The following TRAPPC9 variants were observed in gnomAD, a reference collection of about 807,000 sequenced individuals.
TRAPPC9 encodes IKK2 binding protein.
A neutral mutation model predicts 124.0 loss-of-function variants in TRAPPC9; 83 were observed. That is an observed-to-expected ratio of 0.67 (90% CI 0.56 to 0.80). The LOEUF (loss-of-function observed/expected upper bound fraction) is 0.80. Among genes scored for constraint, TRAPPC9 ranks in the 30% least tolerant of loss-of-function variants. The probability of loss-of-function intolerance (pLI) is 0.00; values close to 1 mark genes in which losing one functional copy is unlikely to be tolerated. For missense variants in TRAPPC9, 1,302 were observed against 1,508.3 expected (o/e 0.86, Z 2.27); for synonymous variants, 638 against 617.5 (o/e 1.03, Z -0.49).
intron 15 of TRAPPC9, among the ~76,000 whole-genome samples, chr8:140,256,111 A>G (rs2064249343): frequency 6.6e-6 from 1 of 152,258 alleles, no homozygotes; most frequent in Non-Finnish European, 1.5e-5. Context: ...CAAAGGGTAC[A>G]AAACACTGGT....
At chr8:139,882,333 C>T (rs371578772) in intron 21 of TRAPPC9, among the ~76,000 whole-genome samples, 8 of 152,214 alleles carry the variant, frequency 5.3e-5, no homozygotes, top group South Asian at 2.1e-4. Context: ...GCCTCCCTGA[C>T]GCAGCACGTG....
chr8:139,928,221 G>A (rs956138840), intron 19 of TRAPPC9, among the ~76,000 whole-genome samples: 3 of 152,246 alleles, frequency 2.0e-5, no homozygotes, highest in Admixed American at 2.0e-4. Flanking sequence ...GTTGGGTACA[G>A]TGGCTCATGC....
intron 21 of TRAPPC9, among the ~76,000 whole-genome samples, chr8:139,832,380 G>A (rs531790893): frequency 3.9e-5 from 6 of 152,344 alleles, no homozygotes; most frequent in South Asian, 4.1e-4. Flanking sequence ...CGGGGTGTTC[G>A]CGTGGAGCAG....
At chr8:140,013,063 A>C (rs960391560) in intron 18 of TRAPPC9, among the ~76,000 whole-genome samples, 1 of 152,178 alleles carries the variant, frequency 6.6e-6, no homozygotes, top group South Asian at 2.1e-4. Context: ...CGGGCCACAC[A>C]GAGGCAGGAA....
At chr8:140,061,210 G>A (rs1842589202) in intron 17 of TRAPPC9, among the ~76,000 whole-genome samples, 1 of 152,212 alleles carries the variant, frequency 6.6e-6, no homozygotes, top group South Asian at 2.1e-4. Context: ...ACTGGAGTTG[G>A]TGGAAGCCCT....
intron 11 of TRAPPC9, among the ~76,000 whole-genome samples, chr8:140,294,071 T>G (rs2065738133): frequency 6.6e-6 from 1 of 152,048 alleles, no homozygotes; most frequent in Admixed American, 6.6e-5. Flanking sequence ...CCCGCCTGCC[T>G]GTCCTATGGT....
chr8:140,438,975 C>T, intron 3 of TRAPPC9, 77 bp downstream of exon 3: 2 of 1,590,088 alleles, frequency 1.3e-6, no homozygotes, highest in Non-Finnish European at 1.7e-6. Context: ...CAGGCGTGAG[C>T]CACCGCACCC....
At chr8:140,407,874 G>A (rs117366216) in intron 5 of TRAPPC9, among the ~76,000 whole-genome samples, 4,040 of 152,162 alleles carry the variant, frequency 0.027, 100 homozygotes, top group Middle Eastern at 0.085. Context: ...TGTCCAACTC[G>A]ACCTCCCAAA....
chr8:140,017,410 T>C (rs986504828), intron 18 of TRAPPC9, among the ~76,000 whole-genome samples: 4 of 152,248 alleles, frequency 2.6e-5, no homozygotes, highest in Non-Finnish European at 2.9e-5. Flanking sequence ...AGATGTGATG[T>C]ATGGGTGAAG....
chr8:140,123,957 G>C (rs1028376641), intron 17 of TRAPPC9, among the ~76,000 whole-genome samples: 1 of 152,168 alleles, frequency 6.6e-6, no homozygotes, highest in Non-Finnish European at 1.5e-5. Flanking sequence ...CACTGGACAG[G>C]CTCTGGTCCA....
chr8:140,009,184 TC>T (rs1838959281), intron 18 of TRAPPC9, among the ~76,000 whole-genome samples: 1 of 152,194 alleles, frequency 6.6e-6, no homozygotes, highest in African/African-American at 2.4e-5. Flanking sequence ...CCTTGATACT[TC>T]AGAAGAACAT....
At chr8:140,194,631 G>A (rs114219422) in intron 17 of TRAPPC9, among the ~76,000 whole-genome samples, 1 of 152,112 alleles carries the variant, frequency 6.6e-6, no homozygotes, top group Non-Finnish European at 1.5e-5. Flanking sequence ...TGGACCTAGG[G>A]CACTCGCTGA....
chr8:140,037,592 C>T (rs1455276738), intron 17 of TRAPPC9, among the ~76,000 whole-genome samples: 1 of 151,430 alleles, frequency 6.6e-6, no homozygotes, highest in Admixed American at 6.6e-5. Flanking sequence ...CACATACACA[C>T]ACACACACAA....
intron 21 of TRAPPC9, among the ~76,000 whole-genome samples, chr8:139,740,306 A>G (rs1403544279): frequency 2.0e-5 from 3 of 152,228 alleles, no homozygotes; most frequent in Non-Finnish European, 4.4e-5. Flanking sequence ...AGTCCCTGCT[A>G]TAGCACGTCC....
chr8:139,939,213 G>A (rs7015551), intron 19 of TRAPPC9, among the ~76,000 whole-genome samples: 24,306 of 152,248 alleles, frequency 0.16, 2,184 homozygotes, highest in South Asian at 0.24. Context: ...GAGAATGGGT[G>A]AAAGCCCAGA....
chr8:140,283,979 A>G lies in TRAPPC9; in HGVS notation c.2024T>C (p.Leu675Pro). 1 of 1,614,154 alleles carries G rather than the reference A, an allele frequency of 6.2e-7. No individual in the cohort carries two copies. The highest frequency in any genetic ancestry group is 1.1e-5 in the South Asian group (1 of 91,082). The change falls in exon 14 of 23, where the codon CTG becomes CCG. Residue 675 changes from leucine (L) to proline (P), a missense_variant. Coordinates refer to ENST00000438773, the MANE Select transcript of TRAPPC9 (RefSeq NM_001160372.4). ...TVFGVFSDCL[L>P]DNLPGIKTSG... Reference sequence around the variant, plus strand: ...GGTTTTTATTCCCGGCAGGTTATCCAGCAAACAGTCACTGAACACACCGAA... The same window carrying G: ...GGTTTTTATTCCCGGCAGGTTATCCGGCAAACAGTCACTGAACACACCGAA...
At chr8:139,994,247 C>T (rs150578000) in intron 18 of TRAPPC9, among the ~76,000 whole-genome samples, 39 of 152,336 alleles carry the variant, frequency 2.6e-4, no homozygotes, top group Non-Finnish European at 4.7e-4. Context: ...TGCTGTGCGT[C>T]GCTGAGCTGG....
In TRAPPC9 at chr8:140,011,756, C is replaced by T. The variant is rs1265815920; in HGVS notation, c.2699+12181G>A. Among the ~76,000 whole-genome samples the T allele has an allele frequency of 3.4e-5, 5 of 147,526 alleles. No individual in the cohort carries two copies. In the South Asian group the frequency reaches 8.7e-4, roughly 26 times the overall value. On this transcript the variant is annotated intron_variant, in intron 18 of 22. Coordinates refer to ENST00000438773, the MANE Select transcript of TRAPPC9 (RefSeq NM_001160372.4). ...GCAATGGCACGATCTCGGCTCACTG[C>T]AACCTCTGCCTCCTGGGTTTAAGTG...
At position 140,257,123 on chromosome 8, in the gene TRAPPC9, C is replaced by T. The variant is rs574288756; in HGVS notation, c.2279-4194G>A. ...GCCATAGTGCAGAGTAGTTAGCTTA[C>T]AGCATACCCTTAGCTCCTCCCAAAA... On this transcript the variant is annotated intron_variant, in intron 15 of 22. Transcript: ENST00000438773. This position sits in a 1 kb window ranked among gnomAD's most constrained non-coding sequence, Gnocchi z 4.6. Among the ~76,000 whole-genome samples the T allele has an allele frequency of 6.6e-6, 1 of 152,220 alleles. No homozygotes were observed. Among genetic ancestry groups the T allele is most frequent in the Non-Finnish European group, 1.5e-5 (1 of 68,042 alleles).
Sources: gnomAD v4.1 joint callset for allele counts (sites outside exome capture counted in the v4.1 genomes callset) on GRCh38, gnomAD v4.1.1 for gene constraint, Gnocchi (gnomAD v3.1) non-coding constraint, MANE v1.5 for transcripts, NCBI Gene and HGNC (gene_info 2026-07-23, HGNC 2026-07-21) for gene names.